Variants in MRE11 observed in about 807,000 individuals in gnomAD.
The protein encoded by MRE11 is double-strand break repair protein MRE11.
Under a neutral mutation model 91.7 loss-of-function variants are expected in MRE11, and 62 were observed. The ratio of observed to expected loss-of-function variants is 0.68; its 90% CI spans 0.55 to 0.84. The LOEUF (loss-of-function observed/expected upper bound fraction) is 0.84. MRE11 is among the 40% of genes least tolerant of loss of function. The probability of loss-of-function intolerance (pLI) is 0.00; values close to 1 mark genes in which losing one functional copy is unlikely to be tolerated. For synonymous variants in MRE11, 273 were observed against 271.4 expected, an observed-to-expected ratio of 1.01 and a Z score of -0.06; for missense variants, 796 against 852.9, an observed-to-expected ratio of 0.93 and a Z score of 0.83.
Position 94,476,248 on chromosome 11 carries a change from C to G in MRE11, c.659+41G>C, listed in dbSNP as rs768867258. ...TAAGCTCAGAAACAGATTTGGGAAG[C>G]CTCAGCACTTGGCTCAAACTTTTTC... is the stretch of plus-strand genomic sequence containing the variant. On this transcript the variant is annotated intron_variant, in intron 7 of 19. Coordinates refer to ENST00000323929, the MANE Select transcript of MRE11 (RefSeq NM_005591.4). 7 of 1,293,190 alleles carry G rather than the reference C, an allele frequency of 5.4e-6. No homozygotes were observed. In the South Asian group the frequency reaches 7.1e-5, roughly 13 times the overall value. The allele number at this position is 1,293,190 out of a possible 1,614,324, so 80.1% of individuals were successfully genotyped here. A position where few individuals can be genotyped will look rare whatever the true frequency, so the allele number is the denominator to read the frequency against.
At chr11:94,508,763 C>CTT in the MRE11 span, among the ~76,000 whole-genome samples, 1 of 139,108 alleles carries the variant, frequency 7.2e-6, no homozygotes. Flanking sequence ...CTACATTTAC[C>CTT]TTTTTTTTTT....
intron 13 of MRE11, among the ~76,000 whole-genome samples, chr11:94,457,966 G>A (rs1349945774): frequency 6.6e-6 from 1 of 151,714 alleles, no homozygotes; most frequent in Non-Finnish European, 1.5e-5. Context: ...AGGTGGGGAT[G>A]GTTATGTTTT....
chr11:94,503,826 C>CAAA, the MRE11 span, among the ~76,000 whole-genome samples: 390 of 85,822 alleles, frequency 4.5e-3, 1 homozygote, highest in Middle Eastern at 0.031. Flanking sequence ...GACTCCGTCT[C>CAAA]AAAAAAAAAA....
chr11:94,435,280 C>A (rs756878012), intron 18 of MRE11, among the ~76,000 whole-genome samples: 1 of 152,146 alleles, frequency 6.6e-6, no homozygotes, highest in Non-Finnish European at 1.5e-5. Flanking sequence ...TGAGGCCAAG[C>A]GCACTGGCTC....
chr11:94,484,299 T>C (rs1947083394), intron 4 of MRE11, among the ~76,000 whole-genome samples: 2 of 152,290 alleles, frequency 1.3e-5, no homozygotes, highest in South Asian at 2.1e-4. Context: ...TCCCAATTAA[T>C]ACATGTAGAA....
chr11:94,428,788 G>A (rs568981986), intron 19 of MRE11, among the ~76,000 whole-genome samples: 41 of 152,094 alleles, frequency 2.7e-4, no homozygotes, highest in South Asian at 1.7e-3. Context: ...GCTTGAACCC[G>A]GGAGGCGGAG....
chr11:94,478,937 A>G (rs2135086784), intron 5 of MRE11, 61 bp from the exon 6 acceptor site: 1 of 1,548,230 alleles, frequency 6.5e-7, no homozygotes, highest in South Asian at 1.1e-5. Context: ...CTGCATGAAT[A>G]TCGTATCACC....
the MRE11 span, among the ~76,000 whole-genome samples, chr11:94,508,806 G>A: frequency 6.7e-5 from 10 of 150,102 alleles, no homozygotes; most frequent in Admixed American, 6.0e-4. Flanking sequence ...CTTTCACCCA[G>A]GCTGGAGTGC....
At chr11:94,445,441 C>T (rs1945898916) in intron 16 of MRE11, among the ~76,000 whole-genome samples, 1 of 152,186 alleles carries the variant, frequency 6.6e-6, no homozygotes, top group South Asian at 2.1e-4. Context: ...TCCCAAGTAG[C>T]TGGGACTACA....
At chr11:94,470,744 T>C (rs772023992) in intron 8 of MRE11, 102 bp from the exon 9 acceptor site, 48 of 1,145,308 alleles carry the variant, frequency 4.2e-5, no homozygotes, top group Admixed American at 7.6e-5. Context: ...AATGCTTCTT[T>C]ATAAAATCAT....
At chr11:94,508,905 G>C in the MRE11 span, among the ~76,000 whole-genome samples, 1 of 152,042 alleles carries the variant, frequency 6.6e-6, no homozygotes, top group Admixed American at 6.5e-5. Flanking sequence ...GGGATTACAG[G>C]CACGCACCAC....
intron 3 of MRE11, among the ~76,000 whole-genome samples, chr11:94,486,848 G>A (rs556286224): frequency 6.6e-6 from 1 of 152,318 alleles, no homozygotes; most frequent in East Asian, 1.9e-4. Flanking sequence ...TAACTTCAGT[G>A]AAGGAGGGAA....
intron 19 of MRE11, among the ~76,000 whole-genome samples, chr11:94,427,848 A>T (rs1945366687): frequency 6.6e-6 from 1 of 152,158 alleles, no homozygotes. Flanking sequence ...GAGGTGAAAG[A>T]TCTCTACAAG....
At position 94,463,311 on chromosome 11, in the gene MRE11, G is replaced by A. The variant is rs536385450; in HGVS notation, c.1225+802C>T. ...TGCTGGAGAGGATGTGGAGAAATAG[G>A]AGCACTTTTACACTGTTGGTGGGAC... On this transcript the variant is annotated intron_variant, in intron 11 of 19. Transcript: ENST00000323929. Among the ~76,000 whole-genome samples the A allele has an allele frequency of 3.3e-4, 51 of 152,266 alleles. No homozygotes were observed. In the East Asian group the frequency reaches 9.1e-3, roughly 27 times the overall value.
At chr11:94,457,817 G>A (rs13447674) in intron 13 of MRE11, among the ~76,000 whole-genome samples, 125 of 151,380 alleles carry the variant, frequency 8.3e-4, no homozygotes, top group African/African-American at 2.9e-3. Context: ...TTTTGAACAC[G>A]GGTGTCTGGT....
intron 18 of MRE11, among the ~76,000 whole-genome samples, chr11:94,434,621 C>T (rs1945553659): frequency 6.6e-6 from 1 of 152,144 alleles, no homozygotes; most frequent in African/African-American, 2.4e-5. Flanking sequence ...GTTTTCCACC[C>T]TACTAAGCCA....
chr11:94,471,223 C>A (rs898638273), intron 8 of MRE11, among the ~76,000 whole-genome samples: 7 of 151,950 alleles, frequency 4.6e-5, no homozygotes, highest in Non-Finnish European at 1.0e-4. Flanking sequence ...CACTTATAAT[C>A]AGAAAATTTT....
chr11:94,446,737 G>T (rs1421402076), intron 15 of MRE11, among the ~76,000 whole-genome samples: 1 of 152,146 alleles, frequency 6.6e-6, no homozygotes, highest in Admixed American at 6.5e-5. Context: ...AATCAAATTG[G>T]GGGGCAGTTT....
intron 19 of MRE11, among the ~76,000 whole-genome samples, chr11:94,421,893 G>T (rs1192768086): frequency 2.0e-5 from 3 of 152,138 alleles, no homozygotes; most frequent in Non-Finnish European, 4.4e-5. Flanking sequence ...TAGTTACCAG[G>T]GGATGAAGAA....
Sources: gnomAD v4.1 joint callset for allele counts (sites outside exome capture counted in the v4.1 genomes callset) on GRCh38, gnomAD v4.1.1 for gene constraint, MANE v1.5 for transcripts, NCBI Gene and HGNC (gene_info 2026-07-23, HGNC 2026-07-21) for gene names.